PPP1R16B: variants seen among roughly 807,000 people sequenced by gnomAD.
PPP1R16B encodes the protein protein phosphatase 1 regulatory inhibitor subunit 16B.
Under a neutral mutation model 61.7 loss-of-function variants are expected in PPP1R16B, and 14 were observed. That is an observed-to-expected ratio of 0.23 (90% CI 0.15 to 0.35). The LOEUF (loss-of-function observed/expected upper bound fraction) is 0.35, where lower values mean the gene tolerates loss of function less well. PPP1R16B is among the 10% of genes least tolerant of loss of function. The pLI, the probability that PPP1R16B is intolerant of heterozygous loss-of-function variation, is 1.00. For synonymous variants in PPP1R16B, 266 were observed against 305.3 expected (o/e 0.87, Z 1.34); for missense variants, 547 against 752.5 (o/e 0.73, Z 3.19).
At chr20:38,898,072 A>C (rs941257292) in intron 4 of PPP1R16B, among the ~76,000 whole-genome samples, 3 of 152,220 alleles carry the variant, frequency 2.0e-5, no homozygotes, top group Admixed American at 2.0e-4. Context: ...ATCCACTATC[A>C]TGGAGGTTTT....
intron 5 of PPP1R16B, among the ~76,000 whole-genome samples, chr20:38,901,897 A>G (rs1005876102): frequency 2.0e-5 from 3 of 152,248 alleles, no homozygotes; most frequent in Admixed American, 6.5e-5. Flanking sequence ...AGGCACTGCT[A>G]ACACTACTGT....
chr20:38,904,023 C>T (rs2085420095), intron 6 of PPP1R16B, among the ~76,000 whole-genome samples: 1 of 152,192 alleles, frequency 6.6e-6, no homozygotes, highest in Non-Finnish European at 1.5e-5. Flanking sequence ...ATCCTCACTG[C>T]CCCTCAGGCC....
chr20:38,864,692 C>G (rs1314435681), intron 2 of PPP1R16B, among the ~76,000 whole-genome samples: 1 of 152,046 alleles, frequency 6.6e-6, no homozygotes, highest in African/African-American at 2.4e-5. Context: ...CCTCATTCAC[C>G]CAGAAAGACC....
In PPP1R16B at chr20:38,835,826, C is replaced by CCA; in HGVS notation, c.-96_-95dup. On this transcript the variant is annotated splice_region_variant and 5_prime_UTR_variant, in exon 2 of 11. Transcript: ENST00000299824. Reference sequence around the variant, plus strand: ...TCTGTGTCTCCCTCCCTGCCACAGGCCACACCATGAGGCCCCAGCCCCACC... The same window carrying CCA: ...TCTGTGTCTCCCTCCCTGCCACAGGCCACACACCATGAGGCCCCAGCCCCACC... 7.3e-7 allele frequency: 1 copy of CCA among 1,361,962 alleles called. No individual in the cohort carries two copies. Among genetic ancestry groups the CCA allele is most frequent in the South Asian group, 1.5e-5 (1 of 67,096 alleles). The allele number at this position is 1,361,962 out of a possible 1,614,324, so 84.4% of individuals were successfully genotyped here. A position where few individuals can be genotyped will look rare whatever the true frequency, so the allele number is the denominator to read the frequency against.
intron 2 of PPP1R16B, among the ~76,000 whole-genome samples, chr20:38,888,290 G>A (rs562331199): frequency 1.3e-5 from 2 of 152,294 alleles, no homozygotes; most frequent in South Asian, 4.1e-4. Context: ...GCAGTGCCTG[G>A]GCCTGCACGC....
chr20:38,821,569 T>C (rs1601235393), intron 1 of PPP1R16B, among the ~76,000 whole-genome samples: 1 of 152,192 alleles, frequency 6.6e-6, no homozygotes, highest in African/African-American at 2.4e-5. Context: ...GCCTAGACCC[T>C]GGCACTTGGA....
intron 2 of PPP1R16B, among the ~76,000 whole-genome samples, chr20:38,849,713 A>C (rs563983856): frequency 1.2e-4 from 18 of 152,076 alleles, no homozygotes; most frequent in African/African-American, 4.3e-4. Context: ...CTGTTTGTTG[A>C]AGCATAATCA....
intron 1 of PPP1R16B, among the ~76,000 whole-genome samples, chr20:38,820,360 A>C (rs769841861): frequency 9.5e-4 from 145 of 152,182 alleles, no homozygotes; most frequent in Middle Eastern, 6.8e-3. Context: ...GGAGTTCGAG[A>C]CCAGCCTGAC....
At chr20:38,847,035 G>A (rs2084939941) in intron 2 of PPP1R16B, among the ~76,000 whole-genome samples, 1 of 152,008 alleles carries the variant, frequency 6.6e-6, no homozygotes, top group African/African-American at 2.4e-5. Flanking sequence ...AAAATAAAAA[G>A]TATTTGGCCA....
rs994654673 is a variant in PPP1R16B, at chr20:38,806,204, C to G, written c.-102+412C>G. Among the ~76,000 whole-genome samples the G allele has an allele frequency of 3.3e-5, 5 of 152,074 alleles. No individual in the cohort carries two copies. The highest frequency in any genetic ancestry group is 9.6e-5 in the African/African-American group (4 of 41,510). On this transcript the variant is annotated intron_variant, in intron 1 of 10. Transcript: ENST00000299824. The surrounding 1 kb of genome is among the most constrained non-coding windows in gnomAD (Gnocchi z 4.5). ...GGAGCCACAGCGGACACCAAACAACCCCCCCCCGCGCACTCTCCCGGCCGG... is the reference window on the plus strand; with the variant it reads ...GGAGCCACAGCGGACACCAAACAACGCCCCCCCGCGCACTCTCCCGGCCGG...
intron 2 of PPP1R16B, among the ~76,000 whole-genome samples, chr20:38,874,640 T>C (rs1395474459): frequency 1.3e-5 from 2 of 152,184 alleles, no homozygotes; most frequent in African/African-American, 4.8e-5. Context: ...AGACTGGCCC[T>C]TTCATCCCTT....
At chr20:38,896,542 C>T (rs1027151110) in intron 4 of PPP1R16B, among the ~76,000 whole-genome samples, 7 of 151,922 alleles carry the variant, frequency 4.6e-5, no homozygotes, top group South Asian at 2.1e-4. Flanking sequence ...CTGTATTTTC[C>T]AGTCTCTTTT....
chr20:38,888,025 TG>T (rs1211154850), intron 2 of PPP1R16B, among the ~76,000 whole-genome samples: 1 of 152,214 alleles, frequency 6.6e-6, no homozygotes, highest in Admixed American at 6.5e-5. Context: ...AGTTGCTGAC[TG>T]GGTTTTTTTG....
Position 38,918,274 on chromosome 20 carries a change from G to A in PPP1R16B, c.1312G>A (p.Ala438Thr). The A allele has an allele frequency of 6.2e-7, 1 of 1,614,260 alleles. No individual in the cohort carries two copies. The highest frequency in any genetic ancestry group is 8.5e-7 in the Non-Finnish European group (1 of 1,180,050). The stretch of plus-strand genomic sequence containing the variant: ...GGCTCCGGTCAGTGCCTACCAGTAT[G>A]CGCTGGCCAACGGGGATGTCTGGAA... ...LRAPVSAYQYALANGDVWKVH... is the reference protein window; with the variant it reads ...LRAPVSAYQYTLANGDVWKVH... The change falls in exon 11 of 11, where the codon GCG becomes ACG. Residue 438 changes from alanine (A) to threonine (T), a missense_variant. Ala to Thr is a moderately conservative substitution (Grantham distance 58). Coordinates refer to ENST00000299824, the MANE Select transcript of PPP1R16B (RefSeq NM_015568.4). The surrounding 1 kb of genome is among the most constrained non-coding windows in gnomAD (Gnocchi z 5.3).
At chr20:38,812,559 G>T (rs1328830764) in intron 1 of PPP1R16B, among the ~76,000 whole-genome samples, 1 of 152,196 alleles carries the variant, frequency 6.6e-6, no homozygotes, top group Non-Finnish European at 1.5e-5. Context: ...GAAAGCAGGG[G>T]TCTCAATTCT....
At chr20:38,856,163 C>G (rs748431389) in intron 2 of PPP1R16B, among the ~76,000 whole-genome samples, 14 of 151,476 alleles carry the variant, frequency 9.2e-5, no homozygotes, top group Admixed American at 4.6e-4. Context: ...AATGAAGAAG[C>G]AGGTAAGGTG....
chr20:38,809,847 G>A (rs924774840), intron 1 of PPP1R16B, among the ~76,000 whole-genome samples: 1 of 152,014 alleles, frequency 6.6e-6, no homozygotes, highest in Admixed American at 6.6e-5. Context: ...CAGGCATGGT[G>A]GTGTGCACCT....
At chr20:38,879,643 C>T (rs1192102677) in intron 2 of PPP1R16B, among the ~76,000 whole-genome samples, 1 of 152,180 alleles carries the variant, frequency 6.6e-6, no homozygotes, top group African/African-American at 2.4e-5. Context: ...AGAAGACAGA[C>T]ACGAGTTGCC....
At chr20:38,880,511 C>CA (rs1274616246) in intron 2 of PPP1R16B, among the ~76,000 whole-genome samples, 1 of 151,700 alleles carries the variant, frequency 6.6e-6, no homozygotes, top group African/African-American at 2.4e-5. Flanking sequence ...TACAAAAATA[C>CA]AAAAAAAATT....
Sources: gnomAD v4.1 joint callset for allele counts (sites outside exome capture counted in the v4.1 genomes callset) on GRCh38, gnomAD v4.1.1 for gene constraint, Gnocchi (gnomAD v3.1) non-coding constraint, MANE v1.5 for transcripts, NCBI Gene and HGNC (gene_info 2026-07-23, HGNC 2026-07-21) for gene names.